Variants in DNAH12 observed in about 807,000 individuals in gnomAD.
DNAH12 encodes axonemal beta dynein heavy chain 12.
DNAH12 carries 285 observed loss-of-function variants against 371.5 expected under a neutral mutation model. The observed-to-expected ratio is 0.77, with a 90% CI of 0.70 to 0.85. The LOEUF (loss-of-function observed/expected upper bound fraction) is 0.85, where lower values mean the gene tolerates loss of function less well. Ranked by LOEUF, DNAH12 falls within the 40% of genes least tolerant of loss-of-function variation. The probability of loss-of-function intolerance (pLI) is 0.00; values close to 1 mark genes in which losing one functional copy is unlikely to be tolerated. For synonymous variants in DNAH12, 1,200 were observed against 1,213.0 expected (o/e 0.99, Z 0.22); for missense variants, 3,611 against 3,689.4 (o/e 0.98, Z 0.55).
intron 71 of DNAH12, 112 bp downstream of exon 71, chr3:57,296,735 A>ACAACACAAAG (rs1318447818): frequency 7.4e-6 from 9 of 1,219,154 alleles, no homozygotes; most frequent in Non-Finnish European, 1.0e-5. Context: ...AAATATTCTT[A>ACAACACAAAG]CAACACAAAG....
intron 73 of DNAH12, 138 bp downstream of exon 73, chr3:57,295,387 T>C: frequency 1.7e-6 from 1 of 600,632 alleles, no homozygotes; most frequent in Non-Finnish European, 2.9e-6. Flanking sequence ...ATTTCTAATG[T>C]AAATGTTCTA....
intron 17 of DNAH12, among the ~76,000 whole-genome samples, chr3:57,468,279 T>C (rs2066262865): frequency 6.6e-6 from 1 of 152,096 alleles, no homozygotes; most frequent in African/African-American, 2.4e-5. Flanking sequence ...GAGGCTGCAG[T>C]GAGCTATGAC....
At chr3:57,393,410 G>A (rs1219315285) in intron 44 of DNAH12, among the ~76,000 whole-genome samples, 6 of 151,990 alleles carry the variant, frequency 3.9e-5, no homozygotes, top group African/African-American at 1.4e-4. Flanking sequence ...GGCGGATCAC[G>A]AGATCAGAAG....
At chr3:57,510,561 A>G (rs2067952294) in intron 5 of DNAH12, among the ~76,000 whole-genome samples, 1 of 152,030 alleles carries the variant, frequency 6.6e-6, no homozygotes, top group Non-Finnish European at 1.5e-5. Context: ...AATCGCTTCA[A>G]CTCAGCAGGC....
At chr3:57,409,984 TG>T in intron 39 of DNAH12, among the ~76,000 whole-genome samples, 1 of 152,214 alleles carries the variant, frequency 6.6e-6, no homozygotes, top group Non-Finnish European at 1.5e-5. Context: ...GTTAAAAACA[TG>T]GTAGAAAAAT....
At chr3:57,484,324 T>C (rs1170986555) in intron 12 of DNAH12, among the ~76,000 whole-genome samples, 1 of 152,192 alleles carries the variant, frequency 6.6e-6, no homozygotes, top group Non-Finnish European at 1.5e-5. Context: ...GAATATCCCA[T>C]GTAGGATATG....
chr3:57,408,597 A>T (rs782671797), intron 39 of DNAH12, 62 bp from the exon 40 acceptor site: 76 of 1,393,014 alleles, frequency 5.5e-5, no homozygotes, highest in Admixed American at 1.4e-4. Flanking sequence ...ATGGGATGAA[A>T]TATAGATCTC....
chr3:57,380,533 G>T (rs2063366603), intron 50 of DNAH12, among the ~76,000 whole-genome samples, 166 bp from the exon 51 acceptor site: 1 of 152,160 alleles, frequency 6.6e-6, no homozygotes, highest in East Asian at 1.9e-4. Flanking sequence ...GAGTACTGTG[G>T]TGCAATATCG....
chr3:57,380,041 C>T (rs1011154138), intron 51 of DNAH12, among the ~76,000 whole-genome samples: 1 of 151,892 alleles, frequency 6.6e-6, no homozygotes, highest in Non-Finnish European at 1.5e-5. Flanking sequence ...ACTCTTTCAA[C>T]TCAATTATAC....
chr3:57,383,247 G>C (rs937856974), intron 49 of DNAH12, among the ~76,000 whole-genome samples: 4 of 152,090 alleles, frequency 2.6e-5, no homozygotes, highest in African/African-American at 9.7e-5. Context: ...AAGAATCTTT[G>C]TCTACTTATA....
intron 60 of DNAH12, among the ~76,000 whole-genome samples, chr3:57,337,801 A>C (rs1338564804): frequency 2.0e-5 from 3 of 152,190 alleles, no homozygotes; most frequent in African/African-American, 7.2e-5. Context: ...CCCTACTCTT[A>C]GCATTGGACA....
intron 62 of DNAH12, among the ~76,000 whole-genome samples, chr3:57,325,776 C>T (rs1217946324): frequency 6.6e-6 from 1 of 152,060 alleles, no homozygotes; most frequent in Admixed American, 6.6e-5. Flanking sequence ...CTACGAGCTA[C>T]AGGAGGAAAT....
At chr3:57,320,606 T>C (rs1010231763) in intron 65 of DNAH12, among the ~76,000 whole-genome samples, 1 of 136,868 alleles carries the variant, frequency 7.3e-6, no homozygotes, top group Non-Finnish European at 1.5e-5. Flanking sequence ...AATTTCAATA[T>C]GTCTACAAAC....
At chr3:57,444,859 A>G in intron 28 of DNAH12, 43 bp from the exon 29 acceptor site, 1 of 1,523,032 alleles carries the variant, frequency 6.6e-7, no homozygotes, top group Non-Finnish European at 8.8e-7. Flanking sequence ...AGTTGCCAGC[A>G]ATTGCAACCC....
At chr3:57,344,507 A>G (rs1189618074) in intron 60 of DNAH12, among the ~76,000 whole-genome samples, 2 of 152,176 alleles carry the variant, frequency 1.3e-5, no homozygotes, top group Non-Finnish European at 2.9e-5. Flanking sequence ...TTTTGGTAGC[A>G]CTATTCACAA....
intron 29 of DNAH12, among the ~76,000 whole-genome samples, chr3:57,437,691 G>A (rs908150318): frequency 6.6e-6 from 1 of 152,164 alleles, no homozygotes; most frequent in Non-Finnish European, 1.5e-5. Context: ...ATTTGGAGAA[G>A]CCCAAATGCC....
At chr3:57,481,103 T>C (rs1356039594) in intron 13 of DNAH12, among the ~76,000 whole-genome samples, 1 of 152,166 alleles carries the variant, frequency 6.6e-6, no homozygotes, top group Non-Finnish European at 1.5e-5. Flanking sequence ...TAAAGGGTAT[T>C]CAGTTAGGAA....
At position 57,369,303 on chromosome 3, in the gene DNAH12, ATAT is replaced by A. The variant is rs1165104805; in HGVS notation, c.8760-1046_8760-1044del. Among the ~76,000 whole-genome samples, 425 of 145,966 alleles carry A rather than the reference ATAT, an allele frequency of 2.9e-3. 2 individuals are homozygous for A. The highest frequency in any genetic ancestry group is 9.7e-3 in the African/African-American group (393 of 40,472). ...TTACATATAATATAGAATTTTAATT[ATAT>A]ATTATAAATTATATATATTTAATAT... is the stretch of plus-strand genomic sequence containing the variant. On this transcript the variant is annotated intron_variant, in intron 55 of 73. Coordinates refer to ENST00000495027, the MANE Select transcript of DNAH12 (RefSeq NM_001366028.2).
intron 66 of DNAH12, among the ~76,000 whole-genome samples, chr3:57,314,182 G>A (rs980443159): frequency 6.6e-6 from 1 of 152,162 alleles, no homozygotes; most frequent in African/African-American, 2.4e-5. Flanking sequence ...ACTGCACAAA[G>A]ACAAAGAACC....
Sources: allele counts gnomAD v4.1 joint callset (sites outside exome capture counted in the v4.1 genomes callset), GRCh38; gene constraint gnomAD v4.1.1; transcripts MANE v1.5; gene names NCBI Gene and HGNC (gene_info 2026-07-23, HGNC 2026-07-21).